P2RX1: variants seen among roughly 807,000 people sequenced by gnomAD.
P2RX1 encodes P2X purinoceptor 1.
P2RX1 carries 42 observed loss-of-function variants against 50.3 expected under a neutral mutation model. That is an observed-to-expected ratio of 0.83 (90% CI 0.65 to 1.08). The LOEUF is 1.08. Among genes scored for constraint, P2RX1 ranks in the 50% least tolerant of loss-of-function variants. The pLI, the probability that P2RX1 is intolerant of heterozygous loss-of-function variation, is 0.00. For synonymous variants in P2RX1, 199 were observed against 202.6 expected (o/e 0.98, Z 0.15); for missense variants, 449 against 529.0 (o/e 0.85, Z 1.48).
At chr17:3,908,289 G>T (rs139376543) in intron 1 of P2RX1, among the ~76,000 whole-genome samples, 2 of 152,186 alleles carry the variant, frequency 1.3e-5, no homozygotes, top group Admixed American at 1.3e-4. Flanking sequence ...GGCTGGGCGC[G>T]GTGGCTCATG....
chr17:3,898,255 C>G, intron 10 of P2RX1, 145 bp from the exon 11 acceptor site: 1 of 795,552 alleles, frequency 1.3e-6, no homozygotes, highest in Non-Finnish European at 2.1e-6. Flanking sequence ...TGGATGAGGC[C>G]CTGCAGGACT....
chr17:3,903,405 C>T lies in P2RX1; in HGVS notation c.606-62G>A. 6.2e-7 allele frequency: 1 copy of T among 1,610,306 alleles called. No homozygotes were observed. Among genetic ancestry groups the T allele is most frequent in the Admixed American group, 1.7e-5 (1 of 59,622 alleles). Reference sequence around the variant, plus strand: ...CATCCGGGAGGGTGCCCACCACGCCCCAAAGCCTGGGGACCCCTCACAGGC... The same window carrying T: ...CATCCGGGAGGGTGCCCACCACGCCTCAAAGCCTGGGGACCCCTCACAGGC... On this transcript the variant is annotated intron_variant, in intron 6 of 11. Transcript: ENST00000225538. This position sits in a 1 kb window ranked among gnomAD's most constrained non-coding sequence, Gnocchi z 4.6.
intron 1 of P2RX1, among the ~76,000 whole-genome samples, chr17:3,911,074 C>G (rs973623443): frequency 6.6e-5 from 10 of 152,108 alleles, no homozygotes; most frequent in Non-Finnish European, 1.5e-4. Flanking sequence ...CCTCAACTTT[C>G]CAGGCTCAGG....
At chr17:3,902,234 T>A (rs1209003026) in intron 7 of P2RX1, among the ~76,000 whole-genome samples, 1 of 152,062 alleles carries the variant, frequency 6.6e-6, no homozygotes, top group Non-Finnish European at 1.5e-5. Flanking sequence ...CAAGCAATTC[T>A]CTTGCATCAG....
At chr17:3,898,730 T>C (rs1002606496) in intron 9 of P2RX1, among the ~76,000 whole-genome samples, 181 bp from the exon 10 acceptor site, 1 of 152,188 alleles carries the variant, frequency 6.6e-6, no homozygotes, top group Non-Finnish European at 1.5e-5. Flanking sequence ...TCTGCCTCCC[T>C]GAGCGCAAGG....
At position 3,914,376 on chromosome 17, in the gene P2RX1, A is replaced by G. The variant is rs149114820; in HGVS notation, c.137+1713T>C. On this transcript the variant is annotated intron_variant, in intron 1 of 11. Transcript: ENST00000225538. This position sits in a 1 kb window ranked among gnomAD's most constrained non-coding sequence, Gnocchi z 4.1. ...ACGGTAGTGAGGTCCCCGTCACTGG[A>G]GGTATAGGTTCCCGGCTGGGCAGCA... is the stretch of plus-strand genomic sequence containing the variant. 5.1e-4 allele frequency among the ~76,000 whole-genome samples: 78 copies of G among 151,464 alleles called. No homozygotes were observed. The highest frequency in any genetic ancestry group is 1.1e-3 in the Admixed American group (16 of 15,184).
chr17:3,904,419 C>T lies in P2RX1; in HGVS notation c.358-20G>A, dbSNP rs779097007. The T allele has an allele frequency of 5.0e-6, 8 of 1,609,964 alleles. No individual in the cohort carries two copies. On this transcript the variant is annotated intron_variant, in intron 3 of 11. Transcript: ENST00000225538. Reference sequence around the variant, plus strand: ...TGGGTGCTGGGGGAGGCAAAAGCTGCTGGTCCCAGGCCCCTTGGGTGGGGT... The same window carrying T: ...TGGGTGCTGGGGGAGGCAAAAGCTGTTGGTCCCAGGCCCCTTGGGTGGGGT...
rs1216458608 is a variant in P2RX1, at chr17:3,903,364, G to C, written c.606-21C>G. The C allele has an allele frequency of 6.2e-7, 1 of 1,613,842 alleles. No homozygotes were observed. Among genetic ancestry groups the C allele is most frequent in the Non-Finnish European group, 8.5e-7 (1 of 1,179,982 alleles). On this transcript the variant is annotated intron_variant, in intron 6 of 11. Coordinates refer to ENST00000225538, the MANE Select transcript of P2RX1 (RefSeq NM_002558.4). The surrounding 1 kb of genome is among the most constrained non-coding windows in gnomAD (Gnocchi z 4.6). ...TGCGCCTGTGGGGGTGGAAGGTGTT[G>C]ACAGCTGCTGTGTGTCATCCGGGAG...
rs2056419014 is a variant in P2RX1, at chr17:3,914,611, GTCAGGA to G, written c.137+1472_137+1477del. On this transcript the variant is annotated intron_variant, in intron 1 of 11. Coordinates refer to ENST00000225538, the MANE Select transcript of P2RX1 (RefSeq NM_002558.4). The surrounding 1 kb of genome is among the most constrained non-coding windows in gnomAD (Gnocchi z 4.1). ...GCGCAGACAGCCTCTCCCAGGGACG[GTCAGGA>G]GTGATACTAAGGGTGGACTTCCGGC... Among the ~76,000 whole-genome samples, 7 of 152,186 alleles carry G rather than the reference GTCAGGA, an allele frequency of 4.6e-5. No homozygotes were observed. The highest frequency in any genetic ancestry group is 8.8e-5 in the Non-Finnish European group (6 of 68,030).
At chr17:3,915,963 C>T in intron 1 of P2RX1, 126 bp downstream of exon 1, 1 of 1,135,176 alleles carries the variant, frequency 8.8e-7, no homozygotes, top group Non-Finnish European at 1.3e-6. Context: ...CAGTGGCTTG[C>T]CAGGAAGGCC....
chr17:3,912,000 G>C (rs910782115), intron 1 of P2RX1, among the ~76,000 whole-genome samples: 1 of 152,234 alleles, frequency 6.6e-6, no homozygotes, highest in Admixed American at 6.5e-5. Flanking sequence ...CCACTCTTGT[G>C]CCTCGGGAGT....
Position 3,904,319 on chromosome 17 carries a change from G to A in P2RX1, c.427+11C>T. The A allele has an allele frequency of 6.2e-7, 1 of 1,612,650 alleles. No homozygotes were observed. The highest frequency in any genetic ancestry group is 8.5e-7 in the Non-Finnish European group (1 of 1,178,764). On this transcript the variant is annotated intron_variant, in intron 4 of 11. Transcript: ENST00000225538. ...GGGGACTGTGGAGGGACAGGAGGAGGCTGACCTTACCTTGGGCCTTCCTCT... is the reference window on the plus strand; with the variant it reads ...GGGGACTGTGGAGGGACAGGAGGAGACTGACCTTACCTTGGGCCTTCCTCT...
rs893655109 is a variant in P2RX1 at position 3,897,545 on chromosome 17, G to A, written c.*269C>T. 7 of 572,062 alleles carry A rather than the reference G, an allele frequency of 1.2e-5. No homozygotes were observed. The highest frequency in any genetic ancestry group is 2.2e-5 in the Non-Finnish European group (7 of 318,528). The allele number at this position is 572,062 out of a possible 1,614,324, so 35.4% of individuals were successfully genotyped here. A position where few individuals can be genotyped will look rare whatever the true frequency, so the allele number is the denominator to read the frequency against. On this transcript the variant is annotated 3_prime_UTR_variant, in exon 12 of 12. Coordinates refer to ENST00000225538, the MANE Select transcript of P2RX1 (RefSeq NM_002558.4). ...AAGCACGAAGCTAGGGTGCAGGTGT[G>A]TGGGAGGGTCCTGCCCAGCCCCAGC...
chr17:3,902,769 G>A (rs371157714), intron 7 of P2RX1, among the ~76,000 whole-genome samples: 3 of 151,758 alleles, frequency 2.0e-5, no homozygotes, highest in South Asian at 2.1e-4. Flanking sequence ...CACCATGCCT[G>A]GCTAATTTTT....
rs187236004 is a variant in P2RX1, at chr17:3,902,539, G to A, written c.747+663C>T. 2.0e-3 allele frequency among the ~76,000 whole-genome samples: 296 copies of A among 151,380 alleles called. 2 individuals are homozygous for A. Among genetic ancestry groups the A allele is most frequent in the South Asian group, 0.016 (76 of 4,792 alleles). On this transcript the variant is annotated intron_variant, in intron 7 of 11. Coordinates refer to ENST00000225538, the MANE Select transcript of P2RX1 (RefSeq NM_002558.4). ...TCGAACTCCTGACCTCAGGTGATCC[G>A]CCCACCGTGGCCTCTCAAAGTGCTG...
intron 7 of P2RX1, among the ~76,000 whole-genome samples, chr17:3,900,254 A>G (rs974007335): frequency 6.6e-6 from 1 of 152,138 alleles, no homozygotes; most frequent in Non-Finnish European, 1.5e-5. Context: ...GGAGTTCGAG[A>G]CCAGCCAGAC....
chr17:3,905,003 C>A, intron 2 of P2RX1, 74 bp from the exon 3 acceptor site: 1 of 1,237,130 alleles, frequency 8.1e-7, no homozygotes, highest in Non-Finnish European at 1.1e-6. Context: ...CCCACCGCTG[C>A]CCCAGCAGAG....
Position 3,905,019 on chromosome 17 carries a change from T to G in P2RX1, c.286-90A>C. The G allele has an allele frequency of 2.6e-6, 3 of 1,166,842 alleles. No homozygotes were observed. In the South Asian group the frequency reaches 4.0e-5, roughly 15 times the overall value. 72.3% of individuals were successfully genotyped at this position (1,166,842 alleles called of 1,614,324 possible). On this transcript the variant is annotated intron_variant, in intron 2 of 11. Coordinates refer to ENST00000225538, the MANE Select transcript of P2RX1 (RefSeq NM_002558.4). ...CCACCGCTGCCCCAGCAGAGGCCCC[T>G]AGAGCCCACAGGACACGCAGCAGCC... is the stretch of plus-strand genomic sequence containing the variant.
At chr17:3,899,199 A>G (rs73322982) in intron 8 of P2RX1, among the ~76,000 whole-genome samples, 175 bp from the exon 9 acceptor site, 6,315 of 15,782 alleles carry the variant, frequency 0.4, 575 homozygotes, top group African/African-American at 0.51. Flanking sequence ...TCTTGCCCCA[A>G]CTCCTTTTTC....
Sources: gnomAD v4.1 joint callset for allele counts (sites outside exome capture counted in the v4.1 genomes callset) on GRCh38, gnomAD v4.1.1 for gene constraint, Gnocchi (gnomAD v3.1) non-coding constraint, MANE v1.5 for transcripts, NCBI Gene and HGNC (gene_info 2026-07-23, HGNC 2026-07-21) for gene names.